Variants in DAB1 observed in about 807,000 individuals in gnomAD.
DAB1 encodes DAB adaptor protein 1.
In DAB1, 15 loss-of-function variants were observed where a neutral mutation model predicts 64.6. That is an observed-to-expected ratio of 0.23 (90% CI 0.16 to 0.36). The LOEUF (loss-of-function observed/expected upper bound fraction) is 0.36, where lower values mean the gene tolerates loss of function less well. DAB1 is among the 10% of genes least tolerant of loss of function. DAB1 has a pLI of 1.00. For missense variants in DAB1, 596 were observed against 706.7 expected (o/e 0.84, Z 1.78); for synonymous variants, 235 against 251.9 (o/e 0.93, Z 0.64).
At position 57,278,250 on chromosome 1, in the gene DAB1, T is replaced by A. The variant is rs566950250; in HGVS notation, c.67+12714A>T. Among the ~76,000 whole-genome samples, 3 of 152,326 alleles carry A rather than the reference T, an allele frequency of 2.0e-5. No individual in the cohort carries two copies. In the South Asian group the frequency reaches 6.2e-4, roughly 32 times the overall value. ...TAACTTATCTGAGTATGCTTTCTCA[T>A]CTGTAAAATGGGAGTATTATCAAAC... On this transcript the variant is annotated intron_variant, in intron 2 of 14. Coordinates refer to ENST00000371236, the MANE Select transcript of DAB1 (RefSeq NM_001365792.1).
At chr1:57,352,832 A>G (rs1260577631) in intron 1 of DAB1, among the ~76,000 whole-genome samples, 2 of 152,130 alleles carry the variant, frequency 1.3e-5, no homozygotes, top group African/African-American at 4.8e-5. Context: ...TCAATCAATA[A>G]TAATTGATGA....
chr1:57,705,871 A>AG (rs1460418872), intron 6 of DAB1, among the ~76,000 whole-genome samples: 115 of 88,222 alleles, frequency 1.3e-3, no homozygotes, highest in African/African-American at 4.1e-3. Flanking sequence ...ATACAATACT[A>AG]GGGTTTTTTT....
At chr1:57,291,612 G>A (rs1414614427) in intron 1 of DAB1, among the ~76,000 whole-genome samples, 1 of 152,106 alleles carries the variant, frequency 6.6e-6, no homozygotes, top group Admixed American at 6.6e-5. Context: ...TCCCTCACTG[G>A]CAGGCATCAG....
At chr1:57,750,991 G>T (rs1648525351) in intron 6 of DAB1, among the ~76,000 whole-genome samples, 1 of 152,114 alleles carries the variant, frequency 6.6e-6, no homozygotes, top group Non-Finnish European at 1.5e-5. Flanking sequence ...GTCTCCTCCT[G>T]GGGGATACTG....
intron 2 of DAB1, among the ~76,000 whole-genome samples, chr1:57,225,856 G>C (rs1667222838): frequency 6.6e-6 from 1 of 152,068 alleles, no homozygotes. Flanking sequence ...GAAGTTTGCT[G>C]AGTCAAGCTC....
intron 6 of DAB1, among the ~76,000 whole-genome samples, chr1:57,739,599 G>A (rs1277727627): frequency 6.7e-6 from 1 of 150,200 alleles, no homozygotes; most frequent in Non-Finnish European, 1.5e-5. Flanking sequence ...CTACAGGCAT[G>A]TGCCACCATG....
rs919614289 is a variant in DAB1 at position 58,167,372 on chromosome 1, A to G, written n.310-16784T>C. 2.6e-5 allele frequency among the ~76,000 whole-genome samples: 4 copies of G among 152,096 alleles called. No homozygotes were observed. The East Asian group carries it at 7.7e-4, about 29-fold the overall frequency. ...ACCAATCAGCACTCTGTAAAAATGCACCAATCAGTGTTCTGTGTCTAGCTA... is the reference window on the plus strand; with the variant it reads ...ACCAATCAGCACTCTGTAAAAATGCGCCAATCAGTGTTCTGTGTCTAGCTA... On this transcript the variant is annotated intron_variant and non_coding_transcript_variant, in intron 4 of 20. Transcript: ENST00000485760.
intron 4 of DAB1, among the ~76,000 whole-genome samples, chr1:58,295,207 T>A (rs1323506680): frequency 6.6e-6 from 1 of 152,106 alleles, no homozygotes; most frequent in Admixed American, 6.5e-5. Context: ...TTCACAGAAC[T>A]CCCATGCCAG....
At chr1:57,101,752 C>G (rs1287628452) in intron 4 of DAB1, among the ~76,000 whole-genome samples, 2 of 152,204 alleles carry the variant, frequency 1.3e-5, no homozygotes, top group Non-Finnish European at 2.9e-5. Flanking sequence ...GAATAAATAG[C>G]TGACATTCAG....
At chr1:57,527,399 T>G (rs1381821953) in intron 7 of DAB1, among the ~76,000 whole-genome samples, 1 of 152,164 alleles carries the variant, frequency 6.6e-6, no homozygotes, top group Non-Finnish European at 1.5e-5. Flanking sequence ...GTGCTAAGTA[T>G]GCAACACACA....
At chr1:58,287,852 T>C (rs1268142280) in intron 4 of DAB1, among the ~76,000 whole-genome samples, 3 of 151,422 alleles carry the variant, frequency 2.0e-5, no homozygotes, top group African/African-American at 7.3e-5. Flanking sequence ...TGAAACCTTG[T>C]CTCTATTAAA....
At chr1:57,063,193 G>A (rs557918534) in intron 8 of DAB1, among the ~76,000 whole-genome samples, 11 of 152,034 alleles carry the variant, frequency 7.2e-5, no homozygotes, top group South Asian at 2.1e-4. Context: ...TGGGCTTCTC[G>A]CAGAATCAAA....
intron 5 of DAB1, among the ~76,000 whole-genome samples, chr1:57,908,599 A>C (rs905145135): frequency 1.9e-4 from 26 of 136,624 alleles, no homozygotes; most frequent in African/African-American, 7.8e-4. Flanking sequence ...TTCCAAGCGC[A>C]GTCAGAGTCC....
chr1:57,117,005 C>T (rs945947378), intron 4 of DAB1, among the ~76,000 whole-genome samples: 2 of 152,146 alleles, frequency 1.3e-5, no homozygotes, highest in African/African-American at 4.8e-5. Context: ...AAATGAGAGT[C>T]GAAGACAGTC....
intron 6 of DAB1, among the ~76,000 whole-genome samples, chr1:57,691,870 G>T (rs1398115665): frequency 6.6e-6 from 1 of 152,032 alleles, no homozygotes; most frequent in Admixed American, 6.6e-5. Context: ...GAATTTGGGG[G>T]CTAAATATTG....
intron 1 of DAB1, among the ~76,000 whole-genome samples, chr1:57,320,039 C>T (rs1354577098): frequency 1.3e-5 from 2 of 152,186 alleles, no homozygotes; most frequent in African/African-American, 2.4e-5. Context: ...GGACCACTCC[C>T]TCTGGGTTTC....
intron 2 of DAB1, among the ~76,000 whole-genome samples, chr1:57,158,980 G>C (rs1660492736): frequency 6.6e-6 from 1 of 152,174 alleles, no homozygotes. Context: ...ACCAGGCAGA[G>C]ATTCTCATCT....
At chr1:58,175,782 G>C (rs908000717) in intron 4 of DAB1, among the ~76,000 whole-genome samples, 1 of 152,166 alleles carries the variant, frequency 6.6e-6, no homozygotes, top group African/African-American at 2.4e-5. Flanking sequence ...CATCCTTCCA[G>C]CTAATAATGG....
chr1:57,778,396 C>G (rs1649914691), intron 6 of DAB1, among the ~76,000 whole-genome samples: 1 of 151,834 alleles, frequency 6.6e-6, no homozygotes, highest in Non-Finnish European at 1.5e-5. Context: ...TGCTGCAATC[C>G]AAAAGTGCCT....
Sources: allele counts gnomAD v4.1 joint callset (sites outside exome capture counted in the v4.1 genomes callset), GRCh38; gene constraint gnomAD v4.1.1; transcripts MANE v1.5; gene names NCBI Gene and HGNC (gene_info 2026-07-23, HGNC 2026-07-21).